TSPAN15: variants seen among roughly 807,000 people sequenced by gnomAD.
TSPAN15 encodes the protein tetraspanin-15.
A neutral mutation model predicts 34.5 loss-of-function variants in TSPAN15; 20 were observed. That is an observed-to-expected ratio of 0.58 (90% confidence interval 0.41 to 0.84). The LOEUF is 0.84. Among genes scored for constraint, TSPAN15 ranks in the 40% least tolerant of loss-of-function variants. The pLI, the probability that TSPAN15 is intolerant of heterozygous loss-of-function variation, is 0.00. For synonymous variants in TSPAN15, 155 were observed against 153.9 expected, an observed-to-expected ratio of 1.01 and a Z score of -0.05; for missense variants, 313 against 386.1, an observed-to-expected ratio of 0.81 and a Z score of 1.59.
chr10:69,495,713 A>T, intron 4 of TSPAN15, 24 bp downstream of exon 4: 1 of 1,528,084 alleles, frequency 6.5e-7, no homozygotes, highest in Non-Finnish European at 9.1e-7. Context: ...TTTGGGGTAG[A>T]GATGCGCCTC....
chr10:69,461,535 G>A (rs1406349058), intron 1 of TSPAN15, among the ~76,000 whole-genome samples: 1 of 152,178 alleles, frequency 6.6e-6, no homozygotes, highest in Non-Finnish European at 1.5e-5. Flanking sequence ...GACACAGGCT[G>A]TTTCCCATCT....
chr10:69,514,465 T>C, the TSPAN15 span, among the ~76,000 whole-genome samples: 2 of 152,242 alleles, frequency 1.3e-5, no homozygotes, highest in African/African-American at 4.8e-5. Context: ...TAAAATTCAC[T>C]AGTGAAGCTA....
intron 1 of TSPAN15, among the ~76,000 whole-genome samples, chr10:69,464,579 A>G (rs1016365809): frequency 1.5e-4 from 21 of 143,630 alleles, no homozygotes; most frequent in Non-Finnish European, 1.6e-5. Flanking sequence ...GGCTGTGAAA[A>G]CAGTTAAATC....
chr10:69,458,204 A>G (rs1314129374), intron 1 of TSPAN15, among the ~76,000 whole-genome samples: 1 of 152,240 alleles, frequency 6.6e-6, no homozygotes, highest in Non-Finnish European at 1.5e-5. Flanking sequence ...CTCCCAGTGA[A>G]GCACTAGGTG....
intron 1 of TSPAN15, among the ~76,000 whole-genome samples, chr10:69,455,626 C>CGG (rs1491105874): frequency 2.2e-5 from 1 of 45,104 alleles, no homozygotes; most frequent in Non-Finnish European, 5.4e-5. Flanking sequence ...CTCTCTCTCT[C>CGG]CCCCCCCCGT....
At chr10:69,507,651 G>GTTTTTTTTTTTTTTTTTTTTTTTTT (rs398014021) in exon 8 of TSPAN15, 5 of 1,012,190 alleles carry the variant, frequency 4.9e-6, no homozygotes, top group East Asian at 8.2e-5. Context: ...ATAAAAACAT[G>GTTTTTTTTTTTTTTTTTTTTTTTTT]TTTTTTTTTT....
chr10:69,506,144 C>T lies in TSPAN15; in HGVS notation c.639C>T (p.Val213=). ...IDKERFSVQD[V]IYVRGCTNAV... is the part of the protein sequence containing the mutation. Reference sequence around the variant, plus strand: ...TGCAGCGTTTCAGTGTGCAGGATGTCATCTACGTGCGGGGCTGCACCAACG... The same window carrying T: ...TGCAGCGTTTCAGTGTGCAGGATGTTATCTACGTGCGGGGCTGCACCAACG... Residue 213 remains valine (V), a synonymous_variant, in exon 7 of 8, where the codon GTC becomes GTT. Transcript: ENST00000373290. The surrounding 1 kb of genome is among the most constrained non-coding windows in gnomAD (Gnocchi z 4.7). 6.2e-7 allele frequency: 1 copy of T among 1,614,112 alleles called. No individual in the cohort carries two copies. The highest frequency in any genetic ancestry group is 8.5e-7 in the Non-Finnish European group (1 of 1,179,978).
At chr10:69,481,411 T>G (rs903993212) in intron 1 of TSPAN15, among the ~76,000 whole-genome samples, 3 of 152,234 alleles carry the variant, frequency 2.0e-5, no homozygotes, top group Admixed American at 6.5e-5. Context: ...GTGAGATGGT[T>G]TCCTGGTAAT....
the TSPAN15 span, among the ~76,000 whole-genome samples, chr10:69,545,771 A>G: frequency 0.039 from 5,947 of 152,154 alleles, 383 homozygotes; most frequent in African/African-American, 0.13. Context: ...CCTGGCCAAC[A>G]TGGTGAAACC....
chr10:69,473,664 A>T (rs1215732590), intron 1 of TSPAN15, among the ~76,000 whole-genome samples: 1 of 152,170 alleles, frequency 6.6e-6, no homozygotes, highest in Non-Finnish European at 1.5e-5. Context: ...GGACTTGCCC[A>T]AGGTCACAAA....
In TSPAN15 at chr10:69,506,934, G is replaced by A. The variant is rs1204926700; in HGVS notation, c.841G>A (p.Val281Met). ...GLLGPGAKPS[V>M]EAAGTGCCLC... ...CCTGGGGCCCGGTGCCAAGCCCAGC[G>A]TGGAGGCGGCAGGCACGGGATGCTG... Residue 281 changes from valine to methionine, a missense_variant, in exon 8 of 8, where the codon GTG becomes ATG. By Grantham distance (21) the Val-to-Met change is conservative. Coordinates refer to ENST00000373290, the MANE Select transcript of TSPAN15 (RefSeq NM_012339.5). This position sits in a 1 kb window ranked among gnomAD's most constrained non-coding sequence, Gnocchi z 4.7. 3.1e-6 allele frequency: 5 copies of A among 1,610,010 alleles called. No homozygotes were observed. The highest frequency in any genetic ancestry group is 4.2e-6 in the Non-Finnish European group (5 of 1,178,754).
At chr10:69,519,428 A>G in the TSPAN15 span, among the ~76,000 whole-genome samples, 1 of 152,242 alleles carries the variant, frequency 6.6e-6, no homozygotes, top group South Asian at 2.1e-4. Context: ...CTCAAAAAAA[A>G]TAATATATTG....
intron 3 of TSPAN15, among the ~76,000 whole-genome samples, chr10:69,486,928 T>TTTCTGCTTATCAGAGCCTCTC (rs1258548640): frequency 6.6e-6 from 1 of 152,224 alleles, no homozygotes; most frequent in Non-Finnish European, 1.5e-5. Context: ...CTTTGCCTCT[T>TTTCTGCTTATCAGAGCCTCTC]TTCTGCTTAT....
At chr10:69,540,678 C>T in the TSPAN15 span, among the ~76,000 whole-genome samples, 1 of 151,984 alleles carries the variant, frequency 6.6e-6, no homozygotes, top group Admixed American at 6.6e-5. Context: ...GAGGATATAC[C>T]CCAACATGCT....
At chr10:69,467,391 C>G (rs1467313124) in intron 1 of TSPAN15, among the ~76,000 whole-genome samples, 1 of 152,166 alleles carries the variant, frequency 6.6e-6, no homozygotes, top group East Asian at 1.9e-4. Context: ...CTGAGACTTT[C>G]CTGATGGCAC....
At chr10:69,537,462 T>C in the TSPAN15 span, among the ~76,000 whole-genome samples, 1 of 152,186 alleles carries the variant, frequency 6.6e-6, no homozygotes, top group Non-Finnish European at 1.5e-5. Context: ...CTCACAATTA[T>C]GGAGGCCCGA....
intron 1 of TSPAN15, among the ~76,000 whole-genome samples, chr10:69,480,339 T>TC (rs1443453688): frequency 6.8e-6 from 1 of 147,876 alleles, no homozygotes; most frequent in Non-Finnish European, 1.5e-5. Flanking sequence ...GAAGAAGCAT[T>TC]TTTTTTTTAC....
the TSPAN15 span, among the ~76,000 whole-genome samples, chr10:69,530,820 C>CTCTATATATATA: frequency 9.7e-5 from 3 of 30,780 alleles, no homozygotes; most frequent in Non-Finnish European, 1.2e-4. Context: ...CTCTCTCTCT[C>CTCTATATATATA]TATATATATA....
At chr10:69,485,263 C>T in intron 3 of TSPAN15, 48 bp downstream of exon 3, 1 of 1,561,634 alleles carries the variant, frequency 6.4e-7, no homozygotes, top group South Asian at 1.1e-5. Flanking sequence ...GGAGCACCCA[C>T]TGTGGGTGCC....
Sources: allele counts gnomAD v4.1 joint callset (sites outside exome capture counted in the v4.1 genomes callset), GRCh38; gene constraint gnomAD v4.1.1; non-coding constraint Gnocchi (gnomAD v3.1); transcripts MANE v1.5; gene names NCBI Gene and HGNC (gene_info 2026-07-23, HGNC 2026-07-21).